FHL1: variants seen among roughly 807,000 people sequenced by gnomAD.
FHL1 encodes four and a half LIM domains 1.
A neutral mutation model predicts 20.3 loss-of-function variants in FHL1; 1 was observed. The ratio of observed to expected loss-of-function variants is 0.05; its 90% CI spans 0.02 to 0.23. The LOEUF is 0.23. Ranked by LOEUF, FHL1 falls within the 10% of genes least tolerant of loss-of-function variation. The pLI is 1.00. For missense variants in FHL1, 177 were observed against 234.0 expected, an observed-to-expected ratio of 0.76 and a Z score of 1.59; for synonymous variants, 82 against 88.9, an observed-to-expected ratio of 0.92 and a Z score of 0.44.
intron 1 of FHL1, among the ~76,000 whole-genome samples, chrX:136,199,978 G>A (rs773746773): frequency 1.1e-4 from 12 of 112,220 alleles, no homozygotes; most frequent in African/African-American, 3.9e-4. Context: ...AAAAACAAAT[G>A]TTGTAATGTT....
intron 2 of FHL1, among the ~76,000 whole-genome samples, chrX:136,175,009 A>G (rs1270204944): frequency 8.9e-6 from 1 of 112,471 alleles, no homozygotes; most frequent in East Asian, 2.8e-4. Context: ...AAGTATAATT[A>G]AAATGAAAAA....
At chrX:136,152,258 G>C (rs187060165) in intron 1 of FHL1, among the ~76,000 whole-genome samples, 1 of 112,120 alleles carries the variant, frequency 8.9e-6, no homozygotes, top group Non-Finnish European at 1.9e-5. Context: ...TTACAGATGA[G>C]AGTGGGAGAT....
At chrX:136,206,956 G>A in intron 2 of FHL1, 60 bp from the exon 3 acceptor site, 1 of 1,170,905 alleles carries the variant, frequency 8.5e-7, no homozygotes, top group Non-Finnish European at 1.2e-6. Flanking sequence ...TTATGGGAGG[G>A]CTCCTGCCAC....
intron 1 of FHL1, among the ~76,000 whole-genome samples, chrX:136,203,175 T>TA (rs201730167): frequency 0.019 from 2,155 of 112,828 alleles, 41 homozygotes; most frequent in African/African-American, 0.064. Flanking sequence ...CCTGTTTACT[T>TA]ATTATGCAAC....
chrX:136,170,470 G>A (rs1001632085), intron 2 of FHL1, among the ~76,000 whole-genome samples: 4 of 111,083 alleles, frequency 3.6e-5, no homozygotes, highest in African/African-American at 1.3e-4. Context: ...GCTTCTGCTC[G>A]GTGACATTAA....
intron 1 of FHL1, chrX:136,205,070 A>G (rs1450681590): frequency 1.8e-5 from 2 of 112,625 alleles, no homozygotes; most frequent in African/African-American, 6.4e-5. Context: ...TATTTCCTGC[A>G]CAAATGAAAT....
At chrX:136,151,405 A>G (rs902573735) in intron 1 of FHL1, among the ~76,000 whole-genome samples, 1 of 112,729 alleles carries the variant, frequency 8.9e-6, no homozygotes, top group Non-Finnish European at 1.9e-5. Context: ...AGCTCACTTT[A>G]TTCGTCTCAA....
chrX:136,151,580 G>A lies in FHL1; in HGVS notation c.-101+3952G>A, dbSNP rs781118259. On this transcript the variant is annotated intron_variant, in intron 1 of 7. Transcript: ENST00000394155. ...TACAAAGAATTAGCCGGGTGTGGTG[G>A]TGTGCGCCTGTAGTCCCAGCTACTT... is the stretch of plus-strand genomic sequence containing the variant. Among the ~76,000 whole-genome samples the A allele has an allele frequency of 1.3e-3, 142 of 111,997 alleles. 1 individual carries two copies. Among genetic ancestry groups the A allele is most frequent in the South Asian group, 7.5e-4 (2 of 2,661 alleles).
rs113388946 is a variant in FHL1 at position 136,150,763 on chromosome X, G to C, written c.-101+3135G>C. ...GATAAGAAATGGCTTCCACCTTTCT[G>C]GTGAAGTTATGAAAATGAAAAATAG... is the stretch of plus-strand genomic sequence containing the variant. On this transcript the variant is annotated intron_variant, in intron 1 of 7. Coordinates refer to the FHL1 transcript ENST00000394155. 9.3e-3 allele frequency among the ~76,000 whole-genome samples: 1,045 copies of C among 112,243 alleles called. 7 individuals carry two copies. Among genetic ancestry groups the C allele is most frequent in the African/African-American group, 0.031 (964 of 30,877 alleles).
chrX:136,205,323 C>T (rs2073813118), intron 1 of FHL1, among the ~76,000 whole-genome samples: 1 of 111,109 alleles, frequency 9.0e-6, no homozygotes, highest in African/African-American at 3.3e-5. Flanking sequence ...GTTGTTCATA[C>T]GGAGGGAGTG....
intron 1 of FHL1, among the ~76,000 whole-genome samples, chrX:136,197,505 A>G (rs750554959): frequency 6.2e-5 from 7 of 112,030 alleles, no homozygotes; most frequent in Non-Finnish European, 1.3e-4. Flanking sequence ...AGTGCTTTAC[A>G]TCCAAGGTGT....
intron 1 of FHL1, among the ~76,000 whole-genome samples, chrX:136,153,288 G>C (rs2072323240): frequency 9.7e-6 from 1 of 103,044 alleles, no homozygotes; most frequent in African/African-American, 3.5e-5. Context: ...GGGAGGTGGG[G>C]GGGGGCAGGA....
At chrX:136,160,687 T>C (rs1432126308) in intron 1 of FHL1, among the ~76,000 whole-genome samples, 1 of 112,273 alleles carries the variant, frequency 8.9e-6, no homozygotes, top group Non-Finnish European at 1.9e-5. Context: ...ATTTTGTATA[T>C]TGGAAATAAT....
intron 1 of FHL1, among the ~76,000 whole-genome samples, chrX:136,197,597 CCTTTT>C (rs2073591619): frequency 2.7e-5 from 3 of 112,534 alleles, no homozygotes; most frequent in Non-Finnish European, 5.6e-5. Context: ...GCACATCTTC[CCTTTT>C]GCTGACAATG....
At position 136,170,258 on chromosome X, in the gene FHL1, T is replaced by G. The variant is rs917970393; in HGVS notation, c.-27+278T>G. 2.7e-5 allele frequency among the ~76,000 whole-genome samples: 3 copies of G among 112,097 alleles called. No homozygotes were observed. The Admixed American group carries it at 2.8e-4, about 11-fold the overall frequency. On this transcript the variant is annotated intron_variant, in intron 2 of 6. Coordinates refer to the FHL1 transcript ENST00000394153. ...TTGAATGTCTGCTTTAAAGTAAAGA[T>G]CTGCTCATGTCGTTGCACGAACAGT...
At chrX:136,185,920 G>A (rs954016477) in intron 2 of FHL1, among the ~76,000 whole-genome samples, 8 of 111,755 alleles carry the variant, frequency 7.2e-5, no homozygotes, top group Admixed American at 9.5e-5. Context: ...CAGTCTAATC[G>A]TCCAGAAGGG....
chrX:136,210,126 C>T lies in FHL1; in HGVS notation c.*101C>T. The T allele has an allele frequency of 4.6e-6, 5 of 1,098,821 alleles. No individual in the cohort carries two copies. The highest frequency in any genetic ancestry group is 1.8e-5 in the South Asian group (1 of 54,194). The allele number at this position is 1,098,821 out of a possible 1,213,427, so 90.6% of individuals were successfully genotyped here. On this transcript the variant is annotated 3_prime_UTR_variant, in exon 6 of 6. Coordinates refer to ENST00000370683, the MANE Select transcript of FHL1 (RefSeq NM_001159699.2). Reference sequence around the variant, plus strand: ...TCAATAGGGGAAGAGTGGTCCTTCCCTTCTTTAAAGTTCTCCTTCCGTCTT... The same window carrying T: ...TCAATAGGGGAAGAGTGGTCCTTCCTTTCTTTAAAGTTCTCCTTCCGTCTT...
At chrX:136,146,753 C>G (rs767214773), upstream of FHL1, 57 of 327,844 alleles carry the variant, frequency 1.7e-4, no homozygotes, top group Admixed American at 1.6e-4. Context: ...TGGCACATGG[C>G]GAGGGCTCAG....
At chrX:136,195,035 A>G (rs2073523048), upstream of FHL1, among the ~76,000 whole-genome samples, 1 of 112,028 alleles carries the variant, frequency 8.9e-6, no homozygotes, top group Admixed American at 9.4e-5. Flanking sequence ...ATAGTTGACT[A>G]ATTCATGGTG....
Sources: allele counts gnomAD v4.1 joint callset (sites outside exome capture counted in the v4.1 genomes callset), GRCh38; gene constraint gnomAD v4.1.1; transcripts MANE v1.5; gene names NCBI Gene and HGNC (gene_info 2026-07-23, HGNC 2026-07-21).